The following PCDH15 variants were observed in gnomAD, a reference collection of about 807,000 sequenced individuals.
PCDH15 encodes the protein protocadherin related 15, also known as protocadherin-15.
A neutral mutation model predicts 178.5 loss-of-function variants in PCDH15; 129 were observed. The observed-to-expected ratio is 0.72, with a 90% CI of 0.63 to 0.84. PCDH15 has a LOEUF of 0.84. Among genes scored for constraint, PCDH15 ranks in the 40% least tolerant of loss-of-function variants. The probability of loss-of-function intolerance (pLI) is 0.00; values close to 1 mark genes in which losing one functional copy is unlikely to be tolerated. For missense variants in PCDH15, 2,230 were observed against 2,099.9 expected, an observed-to-expected ratio of 1.06 and a Z score of -1.21; for synonymous variants, 800 against 732.0, an observed-to-expected ratio of 1.09 and a Z score of -1.50.
chr10:54,192,725 T>C (rs1292485661), intron 11 of PCDH15, among the ~76,000 whole-genome samples: 1 of 152,154 alleles, frequency 6.6e-6, no homozygotes, highest in Non-Finnish European at 1.5e-5. Flanking sequence ...CTAATGACAG[T>C]CACTCACCAT....
intron 3 of PCDH15, among the ~76,000 whole-genome samples, chr10:54,881,654 G>A (rs182091928): frequency 1.3e-5 from 2 of 152,100 alleles, no homozygotes; most frequent in Admixed American, 1.3e-4. Context: ...AGTTATAGAT[G>A]ATACTGTCTA....
chr10:54,599,171 G>A (rs182351720), intron 2 of PCDH15, among the ~76,000 whole-genome samples: 1 of 151,918 alleles, frequency 6.6e-6, no homozygotes, highest in East Asian at 1.9e-4. Flanking sequence ...AATTCATATG[G>A]AACCAAAAAC....
chr10:54,403,854 CACACACACACAA>C (rs557871800), intron 3 of PCDH15, among the ~76,000 whole-genome samples: 2,817 of 151,508 alleles, frequency 0.019, 36 homozygotes, highest in African/African-American at 0.034. Context: ...CACACTCACA[CACACACACACAA>C]ACACACACAC....
At chr10:54,100,893 A>T (rs1565260944) in intron 15 of PCDH15, among the ~76,000 whole-genome samples, 1 of 151,956 alleles carries the variant, frequency 6.6e-6, no homozygotes, top group African/African-American at 2.4e-5. Context: ...TTACATGTAT[A>T]CTTTAAGCAC....
At chr10:54,709,002 A>G (rs963485251) in intron 1 of PCDH15, among the ~76,000 whole-genome samples, 2 of 152,156 alleles carry the variant, frequency 1.3e-5, no homozygotes, top group Non-Finnish European at 2.9e-5. Flanking sequence ...TCATGTTGTA[A>G]AGTGAGTGCC....
chr10:54,176,600 G>A (rs2047466193), intron 13 of PCDH15, among the ~76,000 whole-genome samples: 1 of 152,102 alleles, frequency 6.6e-6, no homozygotes, highest in Non-Finnish European at 1.5e-5. Flanking sequence ...ATATTTAAGA[G>A]TATTACATAG....
intron 13 of PCDH15, among the ~76,000 whole-genome samples, chr10:54,166,157 ACAT>A (rs981571720): frequency 2.3e-4 from 35 of 152,202 alleles, no homozygotes; most frequent in African/African-American, 8.0e-4. Context: ...TTCATCTTCA[ACAT>A]CATATTATCT....
rs1279444577 is a variant in PCDH15 at position 53,995,730 on chromosome 10, T to C, written c.2787A>G (p.Arg929=). 1 of 1,613,902 alleles carries C rather than the reference T, an allele frequency of 6.2e-7. No homozygotes were observed. Among genetic ancestry groups the C allele is most frequent in the East Asian group, 2.2e-5 (1 of 44,870 alleles). The change falls in exon 21 of 38, where the codon CGA becomes CGG. Residue 929 remains arginine (R), a synonymous_variant. Coordinates refer to ENST00000644397, the MANE Select transcript of PCDH15 (RefSeq NM_001384140.1). ...CCGGAGCCACCATCCCTTTGTATAT[T>C]CGTTTACTAAAGACAGGAGGATAAT... ...MNDYPPVFSK[R]IYKGMVAPDA...
At chr10:54,956,779 T>A (rs1048629492) in intron 2 of PCDH15, among the ~76,000 whole-genome samples, 3 of 151,642 alleles carry the variant, frequency 2.0e-5, no homozygotes, top group African/African-American at 7.2e-5. Flanking sequence ...GGGACAAAAA[T>A]AGTTGACATT....
In PCDH15 at chr10:54,153,080, T is replaced by C; in HGVS notation, c.1784+20A>G. 2.5e-6 allele frequency: 4 copies of C among 1,613,410 alleles called. No individual in the cohort carries two copies. The highest frequency in any genetic ancestry group is 1.1e-5 in the South Asian group (1 of 91,072). On this transcript the variant is annotated intron_variant, in intron 14 of 37. Transcript: ENST00000644397. ...AAACGGGCCCGATGAAAAGACTGCA[T>C]TGGTTCTAATATAAATTACCTTCGC...
intron 3 of PCDH15, among the ~76,000 whole-genome samples, chr10:54,483,630 A>T (rs2078882729): frequency 6.6e-6 from 1 of 151,898 alleles, no homozygotes; most frequent in South Asian, 2.1e-4. Context: ...GCAGGTGATA[A>T]AAACAAATGA....
Position 55,622,803 on chromosome 10 carries a change from T to C in PCDH15, c.-156+4822A>G, listed in dbSNP as rs1211688790. On this transcript the variant is annotated intron_variant, in intron 2 of 5. Coordinates refer to the PCDH15 transcript ENST00000613346. ...AAAACCTCCAGAAACTGCAGGCAAA[T>C]GTCCTCTCCCCACTCCCACTCCTAA... Among the ~76,000 whole-genome samples the C allele has an allele frequency of 3.3e-5, 5 of 152,174 alleles. No individual in the cohort carries two copies. The East Asian group carries it at 9.7e-4, about 29-fold the overall frequency.
intron 1 of PCDH15, among the ~76,000 whole-genome samples, chr10:54,725,757 GAAT>G (rs2132568716): frequency 6.6e-6 from 1 of 151,308 alleles, no homozygotes; most frequent in South Asian, 2.1e-4. Flanking sequence ...GATAAAATGG[GAAT>G]AATACCATCC....
chr10:55,127,760 T>C (rs1272306832), intron 2 of PCDH15, among the ~76,000 whole-genome samples: 1 of 152,060 alleles, frequency 6.6e-6, no homozygotes, highest in East Asian at 1.9e-4. Context: ...TTTGCAGCAA[T>C]ATTTCTTGCA....
chr10:54,441,706 A>G (rs780521753), intron 3 of PCDH15, among the ~76,000 whole-genome samples: 18 of 151,892 alleles, frequency 1.2e-4, no homozygotes, highest in Non-Finnish European at 2.2e-4. Flanking sequence ...AACAAAGTTG[A>G]GAAATCTTGT....
At chr10:55,409,390 G>T (rs1414394650) in intron 2 of PCDH15, among the ~76,000 whole-genome samples, 6 of 152,086 alleles carry the variant, frequency 3.9e-5, no homozygotes, top group Non-Finnish European at 8.8e-5. Context: ...GTCCAATCAT[G>T]AAATCACTCA....
intron 2 of PCDH15, among the ~76,000 whole-genome samples, chr10:54,617,755 C>CCAA (rs2093217879): frequency 8.5e-6 from 1 of 117,128 alleles, no homozygotes; most frequent in African/African-American, 3.4e-5. Flanking sequence ...TCTAAAAATA[C>CCAA]AAAAAAAAAA....
At chr10:55,027,215 A>G (rs1840496181) in intron 2 of PCDH15, among the ~76,000 whole-genome samples, 1 of 151,900 alleles carries the variant, frequency 6.6e-6, no homozygotes. Context: ...TTTTTGGGAA[A>G]GGACAGGAGG....
At chr10:54,719,979 C>T (rs7077542) in intron 1 of PCDH15, among the ~76,000 whole-genome samples, 59,938 of 151,710 alleles carry the variant, frequency 0.4, 12,435 homozygotes, top group Non-Finnish European at 0.47. Context: ...TAGTGTAAAT[C>T]AAAACCACAA....
Sources: gnomAD v4.1 joint callset for allele counts (sites outside exome capture counted in the v4.1 genomes callset) on GRCh38, gnomAD v4.1.1 for gene constraint, MANE v1.5 for transcripts, NCBI Gene and HGNC (gene_info 2026-07-23, HGNC 2026-07-21) for gene names.